Variants in KMT2C observed in about 807,000 individuals in gnomAD.
KMT2C encodes the protein histone-lysine N-methyltransferase 2C.
A neutral mutation model predicts 507.9 loss-of-function variants in KMT2C; 88 were observed. The observed-to-expected ratio is 0.17, with a 90% CI of 0.15 to 0.21. The LOEUF (loss-of-function observed/expected upper bound fraction) is 0.21. Ranked by LOEUF, KMT2C falls within the 10% of genes least tolerant of loss-of-function variation. KMT2C has a pLI of 1.00. For synonymous variants in KMT2C, 2,049 were observed against 2,080.8 expected, an observed-to-expected ratio of 0.98 and a Z score of 0.42; for missense variants, 4,954 against 5,957.8, an observed-to-expected ratio of 0.83 and a Z score of 5.55.
At chr7:152,302,775 G>A (rs2096581362) in intron 6 of KMT2C, among the ~76,000 whole-genome samples, 1 of 152,036 alleles carries the variant, frequency 6.6e-6, no homozygotes, top group African/African-American at 2.4e-5. Flanking sequence ...CCAAGTAGCT[G>A]AGATTACAGG....
chr7:152,174,036 AG>A (rs1445761109), intron 39 of KMT2C, 94 bp downstream of exon 39: 2 of 674,514 alleles, frequency 3.0e-6, no homozygotes, highest in Non-Finnish European at 5.2e-6. Context: ...TTCCTAGACA[AG>A]GGCTTTCCAT....
intron 9 of KMT2C, among the ~76,000 whole-genome samples, chr7:152,255,425 CA>C (rs1415114291): frequency 1.3e-5 from 2 of 151,874 alleles, no homozygotes; most frequent in Non-Finnish European, 2.9e-5. Context: ...CTTGGCCTCC[CA>C]AAGTGCTGGG....
intron 6 of KMT2C, among the ~76,000 whole-genome samples, chr7:152,309,027 G>T (rs1485457623): frequency 6.6e-6 from 1 of 151,992 alleles, no homozygotes; most frequent in Non-Finnish European, 1.5e-5. Context: ...AAGATGAACT[G>T]AACTGCTGAC....
chr7:152,270,779 T>C (rs1278687639), intron 7 of KMT2C, among the ~76,000 whole-genome samples: 2 of 152,198 alleles, frequency 1.3e-5, no homozygotes, highest in Non-Finnish European at 1.5e-5. Context: ...CCTTGTATCA[T>C]CATGAAAATA....
chr7:152,137,865 T>G (rs530183356), intron 58 of KMT2C: 41 of 152,342 alleles, frequency 2.7e-4, no homozygotes, highest in African/African-American at 9.9e-4. Context: ...CACACTGTCT[T>G]ATTTACACGT....
chr7:152,144,820 G>C lies in KMT2C; in HGVS notation c.14236C>G (p.Leu4746Val), dbSNP rs2129092789. ...KSFQSTVTGE[L>V]NAPYSKQFVH... ...AACTGTTTACTATAAGGTGCGTTCA[G>C]TTCTCCAGTGACTGTGCTCTGAAAT... Residue 4746 changes from leucine to valine, a missense_variant, in exon 55 of 59, where the codon CTG (leucine) becomes GTG (valine). Physicochemically the swap from Leu to Val is conservative, Grantham distance 32. Transcript: ENST00000262189. The surrounding 1 kb of genome is among the most constrained non-coding windows in gnomAD (Gnocchi z 4.4). 6.2e-7 allele frequency: 1 copy of C among 1,614,158 alleles called. No individual in the cohort carries two copies. The highest frequency in any genetic ancestry group is 8.5e-7 in the Non-Finnish European group (1 of 1,179,984).
In KMT2C at chr7:152,153,883, T is replaced by A. The variant is rs370356983; in HGVS notation, c.12276+127A>T. The A allele has an allele frequency of 1.8e-5, 16 of 905,644 alleles. No homozygotes were observed. The East Asian group carries it at 2.5e-4, about 14-fold the overall frequency. 56.1% of individuals were successfully genotyped at this position (905,644 alleles called of 1,614,324 possible). On this transcript the variant is annotated intron_variant, in intron 48 of 58. Transcript: ENST00000262189. ...GCAGCTGAGAGGTCTGCAGTGAGCATCAGCTCTGCTCTCTGACCCTTTATC... is the reference window on the plus strand; with the variant it reads ...GCAGCTGAGAGGTCTGCAGTGAGCAACAGCTCTGCTCTCTGACCCTTTATC...
intron 2 of KMT2C, among the ~76,000 whole-genome samples, chr7:152,351,983 G>C (rs1016325387): frequency 5.9e-5 from 9 of 152,188 alleles, no homozygotes; most frequent in Admixed American, 5.9e-4. Flanking sequence ...CAGGGAACAA[G>C]AGAGACAACC....
At chr7:152,343,316 T>A (rs773928512) in intron 2 of KMT2C, among the ~76,000 whole-genome samples, 10 of 152,074 alleles carry the variant, frequency 6.6e-5, no homozygotes, top group Non-Finnish European at 1.3e-4. Context: ...GAGATTTTTT[T>A]AAAACTAACA....
At chr7:152,327,815 G>A (rs531917787) in intron 3 of KMT2C, among the ~76,000 whole-genome samples, 14 of 151,860 alleles carry the variant, frequency 9.2e-5, no homozygotes, top group Admixed American at 1.3e-4. Context: ...AAAATTAGCC[G>A]GGCGTGGTGG....
intron 9 of KMT2C, among the ~76,000 whole-genome samples, chr7:152,255,112 T>TAC (rs2095627175): frequency 1.4e-5 from 1 of 69,122 alleles, no homozygotes. Flanking sequence ...CTCTCACTTA[T>TAC]ATATATATAT....
At chr7:152,246,078 TAC>T (rs1273021251) in intron 14 of KMT2C, among the ~76,000 whole-genome samples, 14 of 152,304 alleles carry the variant, frequency 9.2e-5, no homozygotes, top group African/African-American at 2.9e-4. Flanking sequence ...TATACGGATA[TAC>T]ACATTCCTGC....
intron 6 of KMT2C, among the ~76,000 whole-genome samples, chr7:152,277,870 T>C (rs905980751): frequency 6.6e-6 from 1 of 152,154 alleles, no homozygotes; most frequent in African/African-American, 2.4e-5. Context: ...CAAATGTAAA[T>C]AGGTTAAATT....
intron 3 of KMT2C, among the ~76,000 whole-genome samples, chr7:152,327,432 G>C: frequency 6.6e-6 from 1 of 152,288 alleles, no homozygotes; most frequent in Middle Eastern, 3.4e-3. Flanking sequence ...ATGGGTTCCC[G>C]AAGTAGGCCT....
intron 26 of KMT2C, 49 bp downstream of exon 26, chr7:152,202,885 A>G: frequency 7.2e-7 from 1 of 1,393,292 alleles, no homozygotes. Flanking sequence ...AATACATTTT[A>G]TTTCCTCAAT....
chr7:152,194,093 C>A lies in KMT2C; in HGVS notation c.4576G>T (p.Ala1526Ser), dbSNP rs534362919. 4.8e-5 allele frequency: 77 copies of A among 1,588,470 alleles called. No homozygotes were observed. The highest frequency in any genetic ancestry group is 6.4e-5 in the Non-Finnish European group (75 of 1,171,970). Reference protein sequence around the residue: ...GGKDVEDLFTAVLSPANTQPT... With the variant: ...GGKDVEDLFTSVLSPANTQPT... ...TGAGTGTTCGCAGGACTAAGTACAG[C>A]TGTAAATAAGTCTTCAACATCTTTT... The change falls in exon 31 of 59, where the codon GCT (alanine) becomes TCT (serine). Residue 1526 changes from alanine (A) to serine (S), a missense_variant. By Grantham distance (99) the Ala-to-Ser change is moderately conservative. Coordinates refer to ENST00000262189, the MANE Select transcript of KMT2C (RefSeq NM_170606.3).
intron 27 of KMT2C, 118 bp from the exon 28 acceptor site, chr7:152,196,129 A>G: frequency 2.1e-6 from 1 of 466,820 alleles, no homozygotes; most frequent in Non-Finnish European, 3.8e-6. Flanking sequence ...TAAAAACCTG[A>G]GACTCTTAAT....
At chr7:152,349,146 T>G (rs903621197) in intron 2 of KMT2C, among the ~76,000 whole-genome samples, 1 of 152,036 alleles carries the variant, frequency 6.6e-6, no homozygotes, top group Non-Finnish European at 1.5e-5. Flanking sequence ...TATCAAGACA[T>G]GAAAAGACAC....
At position 152,195,362 on chromosome 7, in the gene KMT2C, A is replaced by G. The variant is rs577988764; in HGVS notation, c.4378+545T>C. Reference sequence around the variant, plus strand: ...ACCCGAAGTACAGTACAGCTATACTATGCTTTAGCCACACACAAAAAGGGA... The same window carrying G: ...ACCCGAAGTACAGTACAGCTATACTGTGCTTTAGCCACACACAAAAAGGGA... On this transcript the variant is annotated intron_variant, in intron 28 of 58. Coordinates refer to ENST00000262189, the MANE Select transcript of KMT2C (RefSeq NM_170606.3). 7.9e-5 allele frequency among the ~76,000 whole-genome samples: 12 copies of G among 152,328 alleles called. No individual in the cohort carries two copies. The South Asian group carries it at 2.5e-3, about 32-fold the overall frequency.
Sources: allele counts gnomAD v4.1 joint callset (sites outside exome capture counted in the v4.1 genomes callset), GRCh38; gene constraint gnomAD v4.1.1; non-coding constraint Gnocchi (gnomAD v3.1); transcripts MANE v1.5; gene names NCBI Gene and HGNC (gene_info 2026-07-23, HGNC 2026-07-21).